CNTN4: variants seen among roughly 807,000 people sequenced by gnomAD.
The protein encoded by CNTN4 is contactin-4.
CNTN4 carries 77 observed loss-of-function variants against 122.5 expected under a neutral mutation model. The ratio of observed to expected loss-of-function variants is 0.63; its 90% CI spans 0.52 to 0.76. The LOEUF is 0.76. Among genes scored for constraint, CNTN4 ranks in the 30% least tolerant of loss-of-function variants. The pLI is 0.00. For synonymous variants in CNTN4, 512 were observed against 447.0 expected (o/e 1.15, Z -1.83); for missense variants, 1,256 against 1,259.1 (o/e 1.00, Z 0.04).
chr3:2,529,059 C>T (rs1451725287), intron 3 of CNTN4, among the ~76,000 whole-genome samples: 1 of 152,018 alleles, frequency 6.6e-6, no homozygotes, highest in Non-Finnish European at 1.5e-5. Context: ...TTTATCCTAT[C>T]TGCCTAGAAT....
At chr3:2,636,494 T>C (rs966067391) in intron 4 of CNTN4, among the ~76,000 whole-genome samples, 6 of 152,226 alleles carry the variant, frequency 3.9e-5, no homozygotes, top group African/African-American at 1.2e-4. Context: ...TTAAATTATC[T>C]GAGTTAATAA....
chr3:3,047,296 C>G (rs1700759640), intron 23 of CNTN4, among the ~76,000 whole-genome samples: 2 of 152,172 alleles, frequency 1.3e-5, no homozygotes, highest in Admixed American at 6.5e-5. Flanking sequence ...ATCTACAGAA[C>G]TCTCCACCCC....
rs150935249 is a variant in CNTN4 at position 2,450,451 on chromosome 3, T to G, written c.-89+111218T>G. ...TATAGGAGCTAGGAGATAGAAGAGA[T>G]GTGTTTGTATGTTTTCTTGTTTAAA... is the stretch of plus-strand genomic sequence containing the variant. On this transcript the variant is annotated intron_variant, in intron 3 of 24. Transcript: ENST00000418658. Among the ~76,000 whole-genome samples the G allele has an allele frequency of 1.7e-3, 266 of 152,066 alleles. 3 individuals carry two copies. Among genetic ancestry groups the G allele is most frequent in the African/African-American group, 6.2e-3 (259 of 41,498 alleles).
chr3:2,362,577 C>T, intron 3 of CNTN4: 1 of 558,372 alleles, frequency 1.8e-6, no homozygotes, highest in African/African-American at 1.9e-5. Context: ...AAGAAGACAG[C>T]AGCTTCTTGG....
At chr3:2,837,924 C>T (rs778270543) in intron 7 of CNTN4, among the ~76,000 whole-genome samples, 1 of 152,194 alleles carries the variant, frequency 6.6e-6, no homozygotes, top group Non-Finnish European at 1.5e-5. Flanking sequence ...ATGTACCCAG[C>T]AGCAATCTTT....
intron 4 of CNTN4, among the ~76,000 whole-genome samples, chr3:2,706,261 T>C (rs1282131335): frequency 6.6e-6 from 1 of 152,006 alleles, no homozygotes; most frequent in Non-Finnish European, 1.5e-5. Context: ...TTCTGTGGTT[T>C]ATGCCCAACA....
chr3:2,677,912 G>A (rs557639791), intron 4 of CNTN4, among the ~76,000 whole-genome samples: 2 of 152,086 alleles, frequency 1.3e-5, no homozygotes, highest in African/African-American at 4.8e-5. Flanking sequence ...GAAATGTAAA[G>A]CATTTAATCA....
At chr3:2,689,773 TC>T (rs2085627745) in intron 4 of CNTN4, among the ~76,000 whole-genome samples, 1 of 152,072 alleles carries the variant, frequency 6.6e-6, no homozygotes, top group African/African-American at 2.4e-5. Context: ...ACCTCCTCTC[TC>T]CTATACACCA....
At chr3:2,976,601 TG>T (rs1225499390) in intron 13 of CNTN4, among the ~76,000 whole-genome samples, 4 of 152,212 alleles carry the variant, frequency 2.6e-5, no homozygotes, top group African/African-American at 9.6e-5. Flanking sequence ...ACATTAAATT[TG>T]TTATCCAAAA....
chr3:2,575,008 T>C (rs1018164021), intron 4 of CNTN4, among the ~76,000 whole-genome samples: 2 of 152,146 alleles, frequency 1.3e-5, no homozygotes, highest in African/African-American at 4.8e-5. Context: ...ACACTTTATT[T>C]CAAATGTTTG....
chr3:3,042,254 C>A, intron 20 of CNTN4, 56 bp from the exon 21 acceptor site: 1 of 1,221,774 alleles, frequency 8.2e-7, no homozygotes, highest in Non-Finnish European at 1.2e-6. Context: ...CTAGTATCTA[C>A]AATCCTGTCC....
At chr3:3,015,319 A>G (rs1006304211) in intron 14 of CNTN4, among the ~76,000 whole-genome samples, 103 of 151,746 alleles carry the variant, frequency 6.8e-4, no homozygotes, top group African/African-American at 2.4e-3. Flanking sequence ...AAGTCCTCAA[A>G]CAAGCTAGTC....
intron 2 of CNTN4, among the ~76,000 whole-genome samples, chr3:2,144,869 T>A (rs188016708): frequency 5.1e-4 from 77 of 152,296 alleles, no homozygotes; most frequent in Non-Finnish European, 8.1e-4. Context: ...ATCGAAGCTG[T>A]CCTGTTCATA....
chr3:2,806,834 G>T lies in CNTN4; in HGVS notation c.359-12652G>T, dbSNP rs2675313. Among the ~76,000 whole-genome samples the T allele has an allele frequency of 3.3e-5, 5 of 151,922 alleles. No individual in the cohort carries two copies. In the East Asian group the frequency reaches 5.8e-4, roughly 18 times the overall value. ...GGGGACGAGAGCTGAGTTGGCAAAG[G>T]GGGGAGTGATTTATCCTCCCACACT... On this transcript the variant is annotated intron_variant, in intron 6 of 24. Coordinates refer to ENST00000418658, the MANE Select transcript of CNTN4 (RefSeq NM_175607.3).
chr3:2,894,011 T>A (rs2094077017), intron 10 of CNTN4, among the ~76,000 whole-genome samples: 1 of 152,108 alleles, frequency 6.6e-6, no homozygotes, highest in African/African-American at 2.4e-5. Context: ...TACTTTAAAA[T>A]AACAAAAATA....
chr3:2,459,835 T>C (rs553931594), intron 3 of CNTN4, among the ~76,000 whole-genome samples: 2 of 152,308 alleles, frequency 1.3e-5, no homozygotes, highest in South Asian at 4.1e-4. Context: ...ATTTTTATGG[T>C]ATTACTTCCA....
At chr3:2,259,810 G>C (rs1575195879) in intron 2 of CNTN4, among the ~76,000 whole-genome samples, 1 of 152,278 alleles carries the variant, frequency 6.6e-6, no homozygotes. Context: ...AATGATATCA[G>C]CTCGTGAGTG....
At position 2,681,945 on chromosome 3, in the gene CNTN4, G is replaced by A. The variant is rs530113818; in HGVS notation, c.56-54270G>A. ...GATGAATATTTTTCCAGATACCTTG[G>A]GAACAAATAAATTCCTCCATTTTGA... On this transcript the variant is annotated intron_variant, in intron 4 of 24. Coordinates refer to ENST00000418658, the MANE Select transcript of CNTN4 (RefSeq NM_175607.3). 2.0e-5 allele frequency among the ~76,000 whole-genome samples: 3 copies of A among 152,082 alleles called. No individual in the cohort carries two copies. The South Asian group carries it at 6.2e-4, about 32-fold the overall frequency.
chr3:2,206,877 CT>C (rs71056400), intron 2 of CNTN4, among the ~76,000 whole-genome samples: 90,586 of 142,324 alleles, frequency 0.64, 28,464 homozygotes, highest in African/African-American at 0.7. Flanking sequence ...GCAGATACTG[CT>C]TTTTTTTTTT....
Sources: allele counts gnomAD v4.1 joint callset (sites outside exome capture counted in the v4.1 genomes callset), GRCh38; gene constraint gnomAD v4.1.1; transcripts MANE v1.5; gene names NCBI Gene and HGNC (gene_info 2026-07-23, HGNC 2026-07-21).